Variants in IL1RAPL2 observed in about 807,000 individuals in gnomAD.
IL1RAPL2 encodes X-linked interleukin-1 receptor accessory protein-like 2.
Under a neutral mutation model 44.1 loss-of-function variants are expected in IL1RAPL2, and 3 were observed. That is an observed-to-expected ratio of 0.07 (90% confidence interval 0.03 to 0.18). IL1RAPL2 has a LOEUF of 0.18. Among genes scored for constraint, IL1RAPL2 ranks in the 10% least tolerant of loss-of-function variants. The pLI is 1.00. For missense variants in IL1RAPL2, 391 were observed against 496.4 expected, an observed-to-expected ratio of 0.79 and a Z score of 2.02; for synonymous variants, 181 against 178.8, an observed-to-expected ratio of 1.01 and a Z score of -0.10.
At chrX:105,588,507 C>G (rs147685993) in intron 6 of IL1RAPL2, among the ~76,000 whole-genome samples, 1,247 of 111,610 alleles carry the variant, frequency 0.011, 10 homozygotes, top group Non-Finnish European at 0.013. Context: ...AGAATAGTAT[C>G]TGATATGCTG....
intron 5 of IL1RAPL2, among the ~76,000 whole-genome samples, chrX:105,268,833 T>C (rs2034425054): frequency 9.0e-6 from 1 of 111,061 alleles, no homozygotes; most frequent in Non-Finnish European, 1.9e-5. Context: ...TTAGGTGCTC[T>C]TACCACAAAA....
intron 4 of IL1RAPL2, among the ~76,000 whole-genome samples, chrX:105,249,687 AAC>A (rs1569413053): frequency 1.8e-5 from 2 of 111,455 alleles, no homozygotes; most frequent in Admixed American, 9.6e-5. Context: ...TAAAATCGAA[AAC>A]ACAGATGACA....
At chrX:104,617,358 T>C (rs1569281806) in intron 1 of IL1RAPL2, among the ~76,000 whole-genome samples, 1 of 111,806 alleles carries the variant, frequency 8.9e-6, no homozygotes, top group Non-Finnish European at 1.9e-5. Flanking sequence ...GATGTTTCTT[T>C]TGTATAGAAT....
intron 2 of IL1RAPL2, among the ~76,000 whole-genome samples, chrX:104,821,044 T>C (rs1921288330): frequency 8.9e-6 from 1 of 111,969 alleles, no homozygotes; most frequent in Non-Finnish European, 1.9e-5. Flanking sequence ...AAACTTATTT[T>C]AACAAGGTCC....
At chrX:105,438,552 A>G (rs1446647271) in intron 5 of IL1RAPL2, among the ~76,000 whole-genome samples, 1 of 110,772 alleles carries the variant, frequency 9.0e-6, no homozygotes, top group Non-Finnish European at 1.9e-5. Flanking sequence ...GAACCACGGA[A>G]ATATAGAATC....
At chrX:104,650,693 G>T (rs1417271348) in intron 1 of IL1RAPL2, among the ~76,000 whole-genome samples, 3 of 111,878 alleles carry the variant, frequency 2.7e-5, no homozygotes, top group East Asian at 5.6e-4. Flanking sequence ...AATATAGGTT[G>T]CTCTTCATTG....
chrX:105,027,384 C>A (rs1456022704), intron 2 of IL1RAPL2, among the ~76,000 whole-genome samples: 1 of 111,372 alleles, frequency 9.0e-6, no homozygotes, highest in Non-Finnish European at 1.9e-5. Flanking sequence ...AGTGAAGAGA[C>A]AACCCACAGA....
intron 1 of IL1RAPL2, among the ~76,000 whole-genome samples, chrX:104,649,195 A>G (rs1460598047): frequency 2.7e-5 from 3 of 110,443 alleles, no homozygotes; most frequent in Non-Finnish European, 5.7e-5. Flanking sequence ...TGTTGGTTTC[A>G]GTCTCTGTGT....
chrX:105,566,256 G>A (rs943053086), intron 6 of IL1RAPL2, among the ~76,000 whole-genome samples: 7 of 111,500 alleles, frequency 6.3e-5, no homozygotes, highest in Admixed American at 5.7e-4. Context: ...GTGTGTGTGA[G>A]AGAGAGTCTT....
At chrX:105,162,514 C>G (rs1324198830) in intron 2 of IL1RAPL2, among the ~76,000 whole-genome samples, 1 of 112,018 alleles carries the variant, frequency 8.9e-6, no homozygotes. Context: ...TTCTGAGTTT[C>G]AAATAATGTT....
chrX:105,430,274 A>T (rs2035838798), intron 5 of IL1RAPL2, among the ~76,000 whole-genome samples: 1 of 111,646 alleles, frequency 9.0e-6, no homozygotes, highest in African/African-American at 3.2e-5. Flanking sequence ...CACCCATAGT[A>T]GACATTGCCA....
intron 2 of IL1RAPL2, among the ~76,000 whole-genome samples, chrX:104,924,241 C>A (rs1602824903): frequency 1.8e-5 from 2 of 111,468 alleles, no homozygotes; most frequent in Non-Finnish European, 3.8e-5. Flanking sequence ...AGTGACAACA[C>A]AAGACAAGCC....
intron 6 of IL1RAPL2, among the ~76,000 whole-genome samples, chrX:105,672,363 T>A (rs1414611923): frequency 2.7e-5 from 3 of 112,465 alleles, no homozygotes; most frequent in African/African-American, 9.7e-5. Context: ...GGTTCCCCAC[T>A]CAGCTTCCAC....
chrX:105,187,275 T>C (rs1556134417), intron 2 of IL1RAPL2, among the ~76,000 whole-genome samples: 1 of 112,510 alleles, frequency 8.9e-6, no homozygotes, highest in Non-Finnish European at 1.9e-5. Flanking sequence ...AGGCCTATTT[T>C]ATTTAAACAA....
At chrX:105,299,097 A>G (rs948962925) in intron 5 of IL1RAPL2, among the ~76,000 whole-genome samples, 2 of 111,979 alleles carry the variant, frequency 1.8e-5, no homozygotes, top group African/African-American at 6.5e-5. Context: ...GGGGAATCAA[A>G]TAAGCTTTTT....
chrX:104,859,319 T>C (rs1200483244), intron 2 of IL1RAPL2, among the ~76,000 whole-genome samples: 3 of 111,363 alleles, frequency 2.7e-5, no homozygotes, highest in African/African-American at 9.8e-5. Flanking sequence ...AACCTGAAAA[T>C]GACACAGAAA....
intron 1 of IL1RAPL2, among the ~76,000 whole-genome samples, chrX:104,610,796 A>T (rs1929137911): frequency 8.9e-6 from 1 of 111,906 alleles, no homozygotes; most frequent in Admixed American, 9.5e-5. Flanking sequence ...TTCATATGGA[A>T]CCAAAAAAGA....
intron 2 of IL1RAPL2, among the ~76,000 whole-genome samples, chrX:104,673,390 C>G (rs958632139): frequency 1.8e-5 from 2 of 111,039 alleles, no homozygotes; most frequent in Admixed American, 9.6e-5. Context: ...TCAGTTTTGT[C>G]AAAGATCAGA....
intron 6 of IL1RAPL2, among the ~76,000 whole-genome samples, chrX:105,529,286 C>A (rs1008010323): frequency 9.0e-6 from 1 of 111,045 alleles, no homozygotes; most frequent in African/African-American, 3.3e-5. Context: ...CAGATTAAAT[C>A]ACTATAAAAG....
Sources: gnomAD v4.1 joint callset for allele counts (sites outside exome capture counted in the v4.1 genomes callset) on GRCh38, gnomAD v4.1.1 for gene constraint, MANE v1.5 for transcripts, NCBI Gene and HGNC (gene_info 2026-07-23, HGNC 2026-07-21) for gene names.